The following COL18A1 variants were observed in gnomAD, a reference collection of about 807,000 sequenced individuals.
COL18A1 encodes collagen alpha-1(XVIII) chain.
COL18A1 carries 133 observed loss-of-function variants against 168.0 expected under a neutral mutation model. That is an observed-to-expected ratio of 0.79 (90% confidence interval 0.69 to 0.91). The LOEUF (loss-of-function observed/expected upper bound fraction) is 0.91. Ranked by LOEUF, COL18A1 falls within the 40% of genes least tolerant of loss-of-function variation. COL18A1 has a pLI of 0.00. For missense variants in COL18A1, 2,126 were observed against 1,925.4 expected (o/e 1.10, Z -1.95); for synonymous variants, 949 against 809.0 (o/e 1.17, Z -2.94).
intron 32 of COL18A1, among the ~76,000 whole-genome samples, chr21:45,501,067 GTT>G: frequency 1.1e-5 from 1 of 90,800 alleles, no homozygotes; most frequent in African/African-American, 4.9e-5. Flanking sequence ...TGGGGGTGTG[GTT>G]TGGTGTGTGT....
intron 2 of COL18A1, among the ~76,000 whole-genome samples, chr21:45,410,285 A>G (rs2033250700): frequency 6.6e-6 from 1 of 152,164 alleles, no homozygotes; most frequent in African/African-American, 2.4e-5. Context: ...TCGTTCCCAC[A>G]GGAGCCTTGT....
chr21:45,411,730 G>A (rs2033295217), intron 2 of COL18A1, among the ~76,000 whole-genome samples: 1 of 140,692 alleles, frequency 7.1e-6, no homozygotes, highest in Non-Finnish European at 1.5e-5. Context: ...TATCTTGGGT[G>A]TCACCCCAGC....
chr21:45,440,150 A>T (rs2034330370), intron 2 of COL18A1, among the ~76,000 whole-genome samples: 1 of 152,148 alleles, frequency 6.6e-6, no homozygotes, highest in East Asian at 1.9e-4. Flanking sequence ...CGGGGTCGGA[A>T]CGTCGGCTGT....
Position 45,487,009 on chromosome 21 carries a change from C to T in COL18A1, c.1833+17C>T, listed in dbSNP as rs749741449. On this transcript the variant is annotated intron_variant, in intron 16 of 41. Transcript: ENST00000651438. The stretch of plus-strand genomic sequence containing the variant: ...GCTGGATTTGTGAGTACCGCCTACA[C>T]CTGACCCCCTGGAGAGCCGGGGGCT... The T allele has an allele frequency of 2.0e-6, 3 of 1,507,442 alleles. No individual in the cohort carries two copies. Among genetic ancestry groups the T allele is most frequent in the Admixed American group, 4.5e-5 (2 of 44,582 alleles). 93.4% of individuals were successfully genotyped at this position (1,507,442 alleles called of 1,614,324 possible). A position where few individuals can be genotyped will look rare whatever the true frequency, so the allele number is the denominator to read the frequency against.
At chr21:45,415,438 G>A (rs1275986448) in intron 2 of COL18A1, among the ~76,000 whole-genome samples, 1 of 152,152 alleles carries the variant, frequency 6.6e-6, no homozygotes, top group Admixed American at 6.5e-5. Context: ...GCCAGGAGCT[G>A]GACACCCAGG....
Position 45,503,996 on chromosome 21 carries a change from GTC to G in COL18A1, c.2684-7_2684-6del, listed in dbSNP as rs148455528. ...ACACCACCTCAGCGAGACCCCGCCT[GTC>G]TCTCTCTTGCAGGGCAGTTTCCGTT... On this transcript the variant is annotated splice_polypyrimidine_tract_variant and intron_variant, in intron 32 of 41. Transcript: ENST00000651438. 3 of 1,613,608 alleles carry G rather than the reference GTC, an allele frequency of 1.9e-6. No individual in the cohort carries two copies. The highest frequency in any genetic ancestry group is 2.5e-6 in the Non-Finnish European group (3 of 1,179,954).
intron 29 of COL18A1, 189 bp from the exon 30 acceptor site, chr21:45,496,311 T>G (rs2146008185): frequency 2.8e-6 from 2 of 714,880 alleles, no homozygotes; most frequent in Non-Finnish European, 5.2e-6. Context: ...TGGGATGAGG[T>G]GGGGCCGGGG....
At position 45,498,307 on chromosome 21, in the gene COL18A1, CCGCCACGG is replaced by C. The variant is rs2036612073; in HGVS notation, c.2683+647_2683+654del. 1.4e-6 allele frequency: 1 copy of C among 699,054 alleles called. No individual in the cohort carries two copies. Among genetic ancestry groups the C allele is most frequent in the African/African-American group, 1.8e-5 (1 of 56,556 alleles). The allele number at this position is 699,054 out of a possible 1,614,324, so 43.3% of individuals were successfully genotyped here. A position where few individuals can be genotyped will look rare whatever the true frequency, so the allele number is the denominator to read the frequency against. On this transcript the variant is annotated intron_variant, in intron 32 of 41. Transcript: ENST00000651438. The surrounding 1 kb of genome is among the most constrained non-coding windows in gnomAD (Gnocchi z 4.5). ...CTTTCACCACCAGGGTCCCCTCTCG[CCGCCACGG>C]TCCCCTCTCGCCGCCAGGGTCCCCT...
intron 38 of COL18A1, among the ~76,000 whole-genome samples, chr21:45,508,017 ATGGAGAGGTGGGTGAG>A (rs1481137163): frequency 1.3e-5 from 2 of 150,162 alleles, no homozygotes; most frequent in East Asian, 2.0e-4. Flanking sequence ...GGATGGGTGG[ATGGAGAGGTGGGTGAG>A]TGGATACGTA....
chr21:45,490,424 C>A (rs879139897), intron 20 of COL18A1, 78 bp downstream of exon 20: 1 of 1,258,260 alleles, frequency 7.9e-7, no homozygotes, highest in East Asian at 2.5e-5. Flanking sequence ...AAAGCTGGCA[C>A]GAGATGTGCC....
chr21:45,405,402 G>A lies in COL18A1; in HGVS notation c.35G>A (p.Arg12Gln), dbSNP rs2033063291. 1.5e-6 allele frequency: 2 copies of A among 1,319,610 alleles called. No individual in the cohort carries two copies. Among genetic ancestry groups the A allele is most frequent in the East Asian group, 3.5e-5 (1 of 28,902 alleles). 81.7% of individuals were successfully genotyped at this position (1,319,610 alleles called of 1,614,324 possible). A position where few individuals can be genotyped will look rare whatever the true frequency, so the allele number is the denominator to read the frequency against. Residue 12 changes from arginine to glutamine, a missense_variant, in exon 2 of 42, where the codon CGG (arginine) becomes CAG (glutamine). Arg to Gln is a conservative substitution (Grantham distance 43). Transcript: ENST00000651438. ...APRCPWPWPR[R>Q]RRLLDVLAPL... Reference sequence around the variant, plus strand: ...AGGTGCCCCTGGCCATGGCCGCGGCGGCGGCGCCTCCTGGACGTGCTCGCG... The same window carrying A: ...AGGTGCCCCTGGCCATGGCCGCGGCAGCGGCGCCTCCTGGACGTGCTCGCG...
rs773963114 is a variant in COL18A1 at position 45,455,757 on chromosome 21, C to A, written c.107-12485C>A. 2 of 1,613,764 alleles carry A rather than the reference C, an allele frequency of 1.2e-6. No individual in the cohort carries two copies. The highest frequency in any genetic ancestry group is 1.1e-5 in the South Asian group (1 of 91,086). ...AATGGTTCCACAGAGCCAGCGACAG[C>A]CCCTGGCAGCCCTGAGCCACCCTCA... On this transcript the variant is annotated intron_variant, in intron 2 of 41. Transcript: ENST00000651438.
Position 45,491,202 on chromosome 21 carries a change from G to A in COL18A1, c.2068-23G>A, listed in dbSNP as rs560541045. 387 of 1,592,758 alleles carry A rather than the reference G, an allele frequency of 2.4e-4. 4 individuals are homozygous for A. The South Asian group carries it at 3.7e-3, about 15-fold the overall frequency. The stretch of plus-strand genomic sequence containing the variant: ...GCCAGAGCGGTTGAGATGAAATGCC[G>A]GACGCGTGGCCTCCTCTTCCAGGGA... On this transcript the variant is annotated intron_variant, in intron 21 of 41. Transcript: ENST00000651438.
rs1432442060 is a variant in COL18A1 at position 45,405,434 on chromosome 21, G to A, written c.67G>A (p.Val23Ile). ...CCTCCTGGACGTGCTCGCGCCCCTG[G>A]TCCTGCTGCTCGGGGTCCGCGCGGC... ...RRLLDVLAPL[V>I]LLLGVRAASA... The change falls in exon 2 of 42, where the codon GTC becomes ATC. Residue 23 changes from valine to isoleucine, a missense_variant. Val to Ile is a conservative substitution (Grantham distance 29). Transcript: ENST00000651438. The A allele has an allele frequency of 4.4e-6, 6 of 1,376,086 alleles. No individual in the cohort carries two copies. Among genetic ancestry groups the A allele is most frequent in the Non-Finnish European group, 5.7e-6 (6 of 1,056,764 alleles). 85.2% of individuals were successfully genotyped at this position (1,376,086 alleles called of 1,614,324 possible). A position where few individuals can be genotyped will look rare whatever the true frequency, so the allele number is the denominator to read the frequency against.
chr21:45,428,089 G>A (rs368607642), intron 2 of COL18A1, among the ~76,000 whole-genome samples: 2 of 152,194 alleles, frequency 1.3e-5, no homozygotes, highest in East Asian at 3.9e-4. Context: ...AAGCCTTCCT[G>A]ACTGCCCCCA....
At position 45,480,305 on chromosome 21, in the gene COL18A1, C is replaced by T. The variant is rs982710554; in HGVS notation, c.1398+149C>T. The stretch of plus-strand genomic sequence containing the variant: ...GGGTCACAGGTGTGGTGGGAGCCCC[C>T]ATCCACCTGCCTTCAGGCTTCTCTG... On this transcript the variant is annotated intron_variant, in intron 11 of 41. Coordinates refer to ENST00000651438, the MANE Select transcript of COL18A1 (RefSeq NM_001379500.1). 12 of 1,354,952 alleles carry T rather than the reference C, an allele frequency of 8.9e-6. No homozygotes were observed. In the South Asian group the frequency reaches 1.2e-4, roughly 14 times the overall value. 83.9% of individuals were successfully genotyped at this position (1,354,952 alleles called of 1,614,324 possible). A position where few individuals can be genotyped will look rare whatever the true frequency, so the allele number is the denominator to read the frequency against.
At chr21:45,438,972 C>T (rs1179599894) in intron 2 of COL18A1, among the ~76,000 whole-genome samples, 1 of 152,138 alleles carries the variant, frequency 6.6e-6, no homozygotes, top group African/African-American at 2.4e-5. Context: ...TACCGAAAGC[C>T]ACAGGACGTG....
intron 2 of COL18A1, among the ~76,000 whole-genome samples, chr21:45,433,553 C>T (rs978737325): frequency 6.6e-6 from 1 of 152,274 alleles, no homozygotes. Flanking sequence ...CAAGGAGGCT[C>T]CTTTCGCGTG....
chr21:45,440,102 C>T (rs1342928145), intron 2 of COL18A1, among the ~76,000 whole-genome samples: 2 of 152,250 alleles, frequency 1.3e-5, no homozygotes, highest in Non-Finnish European at 2.9e-5. Flanking sequence ...CGTCTCCGGC[C>T]TAGCCCCCGA....
Sources: allele counts gnomAD v4.1 joint callset (sites outside exome capture counted in the v4.1 genomes callset), GRCh38; gene constraint gnomAD v4.1.1; non-coding constraint Gnocchi (gnomAD v3.1); transcripts MANE v1.5; gene names NCBI Gene and HGNC (gene_info 2026-07-23, HGNC 2026-07-21).